Variants in CHST13 observed in about 807,000 individuals in gnomAD.
The protein encoded by CHST13 is C4ST-3.
In CHST13, 1 loss-of-function variant was observed where a neutral mutation model predicts 7.0. That is an observed-to-expected ratio of 0.14 (90% CI 0.05 to 0.68). The LOEUF (loss-of-function observed/expected upper bound fraction) is 0.68. Among genes scored for constraint, CHST13 ranks in the 30% least tolerant of loss-of-function variants. The pLI, the probability that CHST13 is intolerant of heterozygous loss-of-function variation, is 0.82. For missense variants in CHST13, 572 were observed against 507.9 expected, an observed-to-expected ratio of 1.13 and a Z score of -1.21; for synonymous variants, 257 against 240.9, an observed-to-expected ratio of 1.07 and a Z score of -0.62.
At chr3:126,524,639 T>A (rs1576742356) in intron 1 of CHST13, among the ~76,000 whole-genome samples, 1 of 152,094 alleles carries the variant, frequency 6.6e-6, no homozygotes, top group Non-Finnish European at 1.5e-5. Context: ...CGGAGTTACC[T>A]CCCCACTCCC....
intron 1 of CHST13, chr3:126,529,292 G>A (rs898946419): frequency 2.4e-5 from 31 of 1,285,176 alleles, no homozygotes; most frequent in Non-Finnish European, 2.9e-5. Flanking sequence ...TGCAGCAATC[G>A]CATGGCCTTG....
intron 1 of CHST13, among the ~76,000 whole-genome samples, chr3:126,526,354 C>A (rs1936536320): frequency 6.6e-6 from 1 of 152,238 alleles, no homozygotes; most frequent in Non-Finnish European, 1.5e-5. Context: ...CTCACGAGGG[C>A]CTGCAGTGTC....
chr3:126,532,034 A>G (rs900813646), intron 1 of CHST13, among the ~76,000 whole-genome samples: 6 of 152,184 alleles, frequency 3.9e-5, no homozygotes. Flanking sequence ...GATGTTGCGC[A>G]CCTTTTCATG....
rs373737256 is a variant in CHST13, at chr3:126,542,404, C to T, written c.852C>T (p.Ser284=). The T allele has an allele frequency of 1.9e-6, 3 of 1,553,714 alleles. No individual in the cohort carries two copies. The highest frequency in any genetic ancestry group is 2.5e-5 in the East Asian group (1 of 40,168). The change falls in exon 3 of 3, where the codon TCC becomes TCT. Residue 284 remains serine, a synonymous_variant. Coordinates refer to ENST00000319340, the MANE Select transcript of CHST13 (RefSeq NM_152889.3). The part of the protein sequence containing the change: ...AAFVLGLAGA[S]DLSFPGPPRP... ...TCGTGCTGGGCCTGGCGGGCGCATC[C>T]GACCTGAGCTTCCCTGGGCCGCCGC...
intron 1 of CHST13, among the ~76,000 whole-genome samples, chr3:126,529,687 C>T (rs1936609929): frequency 6.6e-6 from 1 of 152,166 alleles, no homozygotes; most frequent in Non-Finnish European, 1.5e-5. Context: ...TTCTCCCAGC[C>T]TCGGGCCCTG....
chr3:126,532,705 T>A (rs1198572166), intron 1 of CHST13, among the ~76,000 whole-genome samples: 1 of 152,242 alleles, frequency 6.6e-6, no homozygotes, highest in Non-Finnish European at 1.5e-5. Flanking sequence ...GAAATGTGAA[T>A]CCTCTAACTT....
chr3:126,537,263 G>A (rs1278645817), intron 2 of CHST13, among the ~76,000 whole-genome samples: 1 of 152,232 alleles, frequency 6.6e-6, no homozygotes, highest in Non-Finnish European at 1.5e-5. Context: ...CACAGGCAGA[G>A]GAAACAGCTG....
rs920649326 is a variant in CHST13 at position 126,524,327 on chromosome 3, C to G, written c.-6C>G. 18 of 1,235,082 alleles carry G rather than the reference C, an allele frequency of 1.5e-5. No homozygotes were observed. The highest frequency in any genetic ancestry group is 3.1e-5 in the African/African-American group (2 of 63,644). The allele number at this position is 1,235,082 out of a possible 1,614,324, so 76.5% of individuals were successfully genotyped here. ...GGACTGTCCTCCGCCGCGCGCCCGG[C>G]ACAGCATGGGGAGGCGCTGCTGCCG... is the stretch of plus-strand genomic sequence containing the variant. On this transcript the variant is annotated 5_prime_UTR_variant, in exon 1 of 3. Coordinates refer to ENST00000319340, the MANE Select transcript of CHST13 (RefSeq NM_152889.3).
chr3:126,542,069 G>T lies in CHST13; in HGVS notation c.517G>T (p.Val173Leu), dbSNP rs1161667430. The stretch of plus-strand genomic sequence containing the variant: ...GCGCGCCTACTTGGCCTTCCTGTTC[G>T]TGCGGGAGCCCTTCGAGCGCCTGGC... ...RLRAYLAFLF[V>L]REPFERLASA... is the part of the protein sequence containing the mutation. The change falls in exon 3 of 3, where the codon GTG becomes TTG. Residue 173 changes from valine (V) to leucine (L), a missense_variant. Val to Leu is a conservative substitution (Grantham distance 32). Coordinates refer to ENST00000319340, the MANE Select transcript of CHST13 (RefSeq NM_152889.3). 6.3e-7 allele frequency: 1 copy of T among 1,583,794 alleles called. No individual in the cohort carries two copies. The highest frequency in any genetic ancestry group is 1.1e-5 in the South Asian group (1 of 89,442).
intron 2 of CHST13, among the ~76,000 whole-genome samples, chr3:126,539,719 C>T: frequency 8.3e-6 from 1 of 120,756 alleles, no homozygotes; most frequent in Non-Finnish European, 1.7e-5. Flanking sequence ...ATGCCACACA[C>T]ACCCCCCACA....
chr3:126,533,349 T>TCCC (rs1936697392), intron 1 of CHST13, among the ~76,000 whole-genome samples: 1 of 152,200 alleles, frequency 6.6e-6, no homozygotes, highest in Non-Finnish European at 1.5e-5. Context: ...TATTAAGTTA[T>TCCC]CTGAGGGTTT....
intron 1 of CHST13, among the ~76,000 whole-genome samples, chr3:126,534,259 G>A (rs1318654036): frequency 6.6e-6 from 1 of 152,152 alleles, no homozygotes; most frequent in Admixed American, 6.5e-5. Context: ...ATATTACTGA[G>A]AACATATTAA....
intron 2 of CHST13, among the ~76,000 whole-genome samples, chr3:126,540,335 C>T (rs1936931907): frequency 6.6e-6 from 1 of 152,186 alleles, no homozygotes; most frequent in African/African-American, 2.4e-5. Context: ...TGTGATCACC[C>T]TCAAAAGCAG....
Position 126,542,285 on chromosome 3 carries a change from G to C in CHST13, c.733G>C (p.Glu245Gln), listed in dbSNP as rs763869348. 6.4e-7 allele frequency: 1 copy of C among 1,564,712 alleles called. No individual in the cohort carries two copies. The change falls in exon 3 of 3, where the codon GAG (glutamate) becomes CAG (glutamine). Residue 245 changes from glutamate (E) to glutamine (Q), a missense_variant. By Grantham distance (29) the Glu-to-Gln change is conservative. Coordinates refer to ENST00000319340, the MANE Select transcript of CHST13 (RefSeq NM_152889.3). ...CACGCGGCGTGAGGAGCCCTTCAACGAGCACTGGGAGCGCGCGCACGCGCT... is the reference window on the plus strand; with the variant it reads ...CACGCGGCGTGAGGAGCCCTTCAACCAGCACTGGGAGCGCGCGCACGCGCT... ...PRTRREEPFN[E>Q]HWERAHALCH...
At chr3:126,530,523 C>T (rs1385302922) in intron 1 of CHST13, among the ~76,000 whole-genome samples, 1 of 152,254 alleles carries the variant, frequency 6.6e-6, no homozygotes, top group African/African-American at 2.4e-5. Flanking sequence ...CAGTCCCCAG[C>T]CACAGTTCCC....
At chr3:126,532,808 G>A (rs1359189559) in intron 1 of CHST13, among the ~76,000 whole-genome samples, 1 of 152,230 alleles carries the variant, frequency 6.6e-6, no homozygotes, top group Admixed American at 6.5e-5. Flanking sequence ...GAAAAAGGCA[G>A]CTGGGATTTT....
At chr3:126,526,599 G>A (rs1936541480) in intron 1 of CHST13, among the ~76,000 whole-genome samples, 1 of 152,226 alleles carries the variant, frequency 6.6e-6, no homozygotes, top group African/African-American at 2.4e-5. Context: ...TACTGGCTCA[G>A]GCCTGGGGCT....
intron 1 of CHST13, among the ~76,000 whole-genome samples, chr3:126,524,784 C>T (rs1008077640): frequency 6.6e-6 from 1 of 152,178 alleles, no homozygotes; most frequent in Non-Finnish European, 1.5e-5. Flanking sequence ...ACCCCACGGC[C>T]CCTGGACATG....
chr3:126,528,144 G>A (rs964197023), intron 1 of CHST13, among the ~76,000 whole-genome samples: 6 of 151,678 alleles, frequency 4.0e-5, no homozygotes, highest in Non-Finnish European at 7.4e-5. Flanking sequence ...CTGTGGGTGG[G>A]GCTCTGGGTC....
Sources: gnomAD v4.1 joint callset for allele counts (sites outside exome capture counted in the v4.1 genomes callset) on GRCh38, gnomAD v4.1.1 for gene constraint, MANE v1.5 for transcripts, NCBI Gene and HGNC (gene_info 2026-07-23, HGNC 2026-07-21) for gene names.